The following PDE1A variants were observed in gnomAD, a reference collection of about 807,000 sequenced individuals.
PDE1A encodes the protein phosphodiesterase 1A, also known as dual specificity calcium/calmodulin-dependent 3',5'-cyclic nucleotide phosphodiesterase 1A.
A neutral mutation model predicts 61.7 loss-of-function variants in PDE1A; 35 were observed. That is an observed-to-expected ratio of 0.57 (90% CI 0.43 to 0.75). PDE1A has a LOEUF of 0.75. Among genes scored for constraint, PDE1A ranks in the 30% least tolerant of loss-of-function variants. The pLI is 0.00. For synonymous variants in PDE1A, 232 were observed against 213.2 expected (o/e 1.09, Z -0.77); for missense variants, 597 against 630.6 (o/e 0.95, Z 0.57).
At chr2:182,417,968 C>T (rs1199703222) in intron 1 of PDE1A, among the ~76,000 whole-genome samples, 1 of 151,904 alleles carries the variant, frequency 6.6e-6, no homozygotes, top group East Asian at 1.9e-4. Flanking sequence ...AAAATATTTA[C>T]CTATTATAGT....
downstream of PDE1A, among the ~76,000 whole-genome samples, chr2:182,145,674 A>G (rs1690457984): frequency 6.6e-6 from 1 of 152,132 alleles, no homozygotes; most frequent in African/African-American, 2.4e-5. Context: ...GGTTGCAGTG[A>G]GCTGAGATTG....
At chr2:182,585,663 A>G in the PDE1A span, among the ~76,000 whole-genome samples, 2 of 152,230 alleles carry the variant, frequency 1.3e-5, no homozygotes, top group Admixed American at 1.3e-4. Context: ...GAAAACAAGA[A>G]GGGCAATATC....
chr2:182,378,305 C>T (rs1182541396), intron 1 of PDE1A, among the ~76,000 whole-genome samples: 1 of 152,032 alleles, frequency 6.6e-6, no homozygotes, highest in Admixed American at 6.6e-5. Context: ...TACTGTAATA[C>T]AAATTTGAAC....
At chr2:182,375,884 T>C (rs1700374882) in intron 1 of PDE1A, among the ~76,000 whole-genome samples, 1 of 152,242 alleles carries the variant, frequency 6.6e-6, no homozygotes, top group Non-Finnish European at 1.5e-5. Flanking sequence ...CAACACCATG[T>C]GGAGGCTGCC....
At chr2:182,613,789 G>C in the PDE1A span, among the ~76,000 whole-genome samples, 1 of 152,132 alleles carries the variant, frequency 6.6e-6, no homozygotes, top group Non-Finnish European at 1.5e-5. Flanking sequence ...CGAACTGTTT[G>C]CCAAGGTATT....
At chr2:182,239,969 C>A in intron 3 of PDE1A, 141 bp downstream of exon 3, 1 of 619,344 alleles carries the variant, frequency 1.6e-6, no homozygotes, top group Non-Finnish European at 2.5e-6. Flanking sequence ...CATAAAGTCC[C>A]AAATTTGTTC....
chr2:182,640,230 A>G, the PDE1A span, among the ~76,000 whole-genome samples: 1 of 152,238 alleles, frequency 6.6e-6, no homozygotes, highest in Admixed American at 6.5e-5. Flanking sequence ...TGAGGAAAAT[A>G]TTAAAATACA....
intron 3 of PDE1A, among the ~76,000 whole-genome samples, chr2:182,239,310 A>C (rs1690313061): frequency 6.6e-6 from 1 of 152,222 alleles, no homozygotes; most frequent in Admixed American, 6.5e-5. Context: ...TAGTTTCTAA[A>C]ATATTCAAAT....
Position 182,300,506 on chromosome 2 carries a change from T to G in PDE1A, c.54-36092A>C, listed in dbSNP as rs368764851. 2.6e-5 allele frequency among the ~76,000 whole-genome samples: 4 copies of G among 152,178 alleles called. No homozygotes were observed. The East Asian group carries it at 7.7e-4, about 29-fold the overall frequency. On this transcript the variant is annotated intron_variant, in intron 1 of 13. Transcript: ENST00000351439. ...CCATTGGGCAGAGTTTTGAGCAGTG[T>G]ATCTAGCCATCAATTGTGCAGGGGC...
chr2:182,381,446 G>A (rs1169588766), intron 1 of PDE1A, among the ~76,000 whole-genome samples: 1 of 152,162 alleles, frequency 6.6e-6, no homozygotes, highest in Non-Finnish European at 1.5e-5. Context: ...GTGGCGAATT[G>A]CCCTTTTAAA....
intron 8 of PDE1A, among the ~76,000 whole-genome samples, chr2:182,204,212 T>C (rs544183266): frequency 1.3e-5 from 2 of 152,340 alleles, no homozygotes; most frequent in African/African-American, 4.8e-5. Flanking sequence ...ACCCTAGATG[T>C]AAATAATCTC....
At chr2:182,559,598 A>C in the PDE1A span, among the ~76,000 whole-genome samples, 21 of 152,300 alleles carry the variant, frequency 1.4e-4, no homozygotes, top group African/African-American at 5.1e-4. Context: ...ACATAGGTAT[A>C]CCCCATGGCC....
At chr2:182,232,187 C>T (rs535190577) in intron 4 of PDE1A, among the ~76,000 whole-genome samples, 1 of 151,998 alleles carries the variant, frequency 6.6e-6, no homozygotes, top group African/African-American at 2.4e-5. Flanking sequence ...GAAAGTACCC[C>T]CTAACAGAGA....
chr2:182,249,076 G>A (rs1037584759), intron 2 of PDE1A, among the ~76,000 whole-genome samples: 2 of 152,208 alleles, frequency 1.3e-5, no homozygotes, highest in Admixed American at 6.5e-5. Flanking sequence ...AGCTCCTTGT[G>A]TGACAGCGCT....
the PDE1A span, among the ~76,000 whole-genome samples, chr2:182,696,139 T>C: frequency 6.6e-5 from 10 of 152,230 alleles, no homozygotes; most frequent in Non-Finnish European, 1.0e-4. Flanking sequence ...TGAAAACTTA[T>C]GTCCGCACAA....
At chr2:182,547,026 T>G in the PDE1A span, among the ~76,000 whole-genome samples, 1 of 152,218 alleles carries the variant, frequency 6.6e-6, no homozygotes, top group African/African-American at 2.4e-5. Context: ...CGCAGCTAAC[T>G]GAAGTTAGTG....
the PDE1A span, among the ~76,000 whole-genome samples, chr2:182,686,157 C>G: frequency 6.6e-6 from 1 of 151,996 alleles, no homozygotes; most frequent in Admixed American, 6.6e-5. Context: ...AGGAAGAGAA[C>G]TGAAGTAAAA....
intron 13 of PDE1A, among the ~76,000 whole-genome samples, chr2:182,175,213 A>G (rs1233228986): frequency 1.3e-5 from 2 of 152,138 alleles, no homozygotes; most frequent in East Asian, 3.8e-4. Flanking sequence ...ATACGTGTGT[A>G]TGTATCTTTA....
the PDE1A span, among the ~76,000 whole-genome samples, chr2:182,703,025 T>A: frequency 2.6e-5 from 4 of 152,232 alleles, no homozygotes; most frequent in Non-Finnish European, 4.4e-5. Flanking sequence ...AGATGAAAGT[T>A]AATGATATGA....
Sources: allele counts gnomAD v4.1 joint callset (sites outside exome capture counted in the v4.1 genomes callset), GRCh38; gene constraint gnomAD v4.1.1; transcripts MANE v1.5; gene names NCBI Gene and HGNC (gene_info 2026-07-23, HGNC 2026-07-21).